Variants in LDB2 observed in about 807,000 individuals in gnomAD.
LDB2 encodes LIM domain binding 2, also known as LIM domain-binding protein 2.
LDB2 carries 12 observed loss-of-function variants against 44.3 expected under a neutral mutation model. That is an observed-to-expected ratio of 0.27 (90% CI 0.17 to 0.44). LDB2 has a LOEUF of 0.44. Ranked by LOEUF, LDB2 falls within the 20% of genes least tolerant of loss-of-function variation. LDB2 has a pLI of 1.00. For synonymous variants in LDB2, 164 were observed against 174.8 expected (o/e 0.94, Z 0.49); for missense variants, 344 against 473.5 (o/e 0.73, Z 2.54).
chr4:16,662,872 G>A (rs1265012799), intron 2 of LDB2, among the ~76,000 whole-genome samples: 1 of 151,874 alleles, frequency 6.6e-6, no homozygotes, highest in East Asian at 1.9e-4. Context: ...CTTCTTCATT[G>A]TAATATGAAA....
At chr4:16,678,926 A>G (rs1417019893) in intron 2 of LDB2, among the ~76,000 whole-genome samples, 1 of 152,210 alleles carries the variant, frequency 6.6e-6, no homozygotes, top group African/African-American at 2.4e-5. Context: ...ATCTTCAAAC[A>G]AATATAGGGA....
Position 16,501,935 on chromosome 4 carries a change from A to T in LDB2, c.*708T>A, listed in dbSNP as rs1241505662. 1.3e-5 allele frequency: 2 copies of T among 152,602 alleles called. No homozygotes were observed. 9.5% of individuals were successfully genotyped at this position (152,602 alleles called of 1,614,324 possible). On this transcript the variant is annotated 3_prime_UTR_variant, in exon 8 of 8. Transcript: ENST00000304523. ...AAATGCATAAATTCTTAAGGGTCCA[A>T]TTGTCTTTCTTTACTTAAAAATCTG...
intron 2 of LDB2, among the ~76,000 whole-genome samples, chr4:16,735,042 G>A (rs1456361564): frequency 6.6e-6 from 1 of 152,138 alleles, no homozygotes; most frequent in Non-Finnish European, 1.5e-5. Context: ...CTCGGGTTGT[G>A]AAATGCCATC....
At chr4:16,643,388 C>A (rs1028893811) in intron 2 of LDB2, among the ~76,000 whole-genome samples, 1 of 152,156 alleles carries the variant, frequency 6.6e-6, no homozygotes, top group Non-Finnish European at 1.5e-5. Flanking sequence ...GATAATAGTT[C>A]TTTTCTCACA....
intron 1 of LDB2, among the ~76,000 whole-genome samples, chr4:16,831,174 CTTTTTT>C (rs370309653): frequency 1.6e-5 from 2 of 126,750 alleles, no homozygotes; most frequent in African/African-American, 3.0e-5. Context: ...CCTCTCTGAG[CTTTTTT>C]TTTTTTTTTT....
chr4:16,722,921 T>A (rs1367182116), intron 2 of LDB2, among the ~76,000 whole-genome samples: 25 of 152,190 alleles, frequency 1.6e-4, no homozygotes, highest in Non-Finnish European at 2.6e-4. Context: ...GCAATACATA[T>A]TTAGCATGCT....
rs768991625 is a variant in LDB2, at chr4:16,582,009, GGAA to G, written c.615+3910_615+3912del. ...GAAGGAAGGGAAGGAAGGGAAGGAA[GGAA>G]GGAAGGAAGGAAGGAAGGAAGGAAG... On this transcript the variant is annotated intron_variant, in intron 5 of 7. Transcript: ENST00000304523. The surrounding 1 kb of genome is among the most constrained non-coding windows in gnomAD (Gnocchi z 4.8). Among the ~76,000 whole-genome samples, 5 of 80,538 alleles carry G rather than the reference GGAA, an allele frequency of 6.2e-5. No homozygotes were observed. Among genetic ancestry groups the G allele is most frequent in the African/African-American group, 2.3e-4 (5 of 21,912 alleles). 52.8% of individuals were successfully genotyped at this position (80,538 alleles called of 152,430 possible).
intron 5 of LDB2, among the ~76,000 whole-genome samples, chr4:16,535,893 C>T (rs925905800): frequency 1.3e-5 from 2 of 152,102 alleles, no homozygotes; most frequent in Non-Finnish European, 2.9e-5. Flanking sequence ...GGGAGTTGAA[C>T]TTGTGTAAAA....
At chr4:16,840,972 A>G (rs888870136) in intron 1 of LDB2, among the ~76,000 whole-genome samples, 6 of 152,278 alleles carry the variant, frequency 3.9e-5, no homozygotes, top group Admixed American at 3.9e-4. Flanking sequence ...TAGGAACATC[A>G]AAGAGGATTT....
At chr4:16,861,222 AG>A in intron 1 of LDB2, among the ~76,000 whole-genome samples, 1 of 152,276 alleles carries the variant, frequency 6.6e-6, no homozygotes, top group African/African-American at 2.4e-5. Context: ...GAGATGAAAA[AG>A]AATGTGATTT....
At chr4:16,874,169 A>G (rs895104589) in intron 1 of LDB2, among the ~76,000 whole-genome samples, 1 of 152,218 alleles carries the variant, frequency 6.6e-6, no homozygotes, top group African/African-American at 2.4e-5. Flanking sequence ...GAAAACATTT[A>G]TAACAAAATT....
intron 1 of LDB2, among the ~76,000 whole-genome samples, chr4:16,835,169 C>T (rs1784696750): frequency 6.6e-6 from 1 of 152,174 alleles, no homozygotes; most frequent in African/African-American, 2.4e-5. Flanking sequence ...GCATAAAATG[C>T]ATAAATCTCA....
rs140998150 is a variant in LDB2, at chr4:16,698,303, A to G, written c.235+60855T>C. Reference sequence around the variant, plus strand: ...ATATTCATGGGGGTAGAATTATTGTATCAAAAGAATATCAGCAATTATTGT... The same window carrying G: ...ATATTCATGGGGGTAGAATTATTGTGTCAAAAGAATATCAGCAATTATTGT... On this transcript the variant is annotated intron_variant, in intron 2 of 7. Transcript: ENST00000304523. 2.0e-5 allele frequency among the ~76,000 whole-genome samples: 3 copies of G among 152,346 alleles called. 1 individual carries two copies. Among genetic ancestry groups the G allele is most frequent in the African/African-American group, 7.2e-5 (3 of 41,582 alleles).
intron 2 of LDB2, among the ~76,000 whole-genome samples, chr4:16,703,181 A>C (rs2658506): frequency 0.39 from 59,847 of 151,960 alleles, 11,984 homozygotes; most frequent in East Asian, 0.66. Flanking sequence ...GCCATAATAG[A>C]TGAAACAGGA....
chr4:16,737,655 G>C (rs557480686), intron 2 of LDB2, among the ~76,000 whole-genome samples: 2 of 152,152 alleles, frequency 1.3e-5, no homozygotes, highest in Non-Finnish European at 2.9e-5. Context: ...AAAGGTGGTT[G>C]TTATATATTG....
intron 2 of LDB2, among the ~76,000 whole-genome samples, chr4:16,672,877 C>T (rs1312724253): frequency 6.8e-6 from 1 of 147,800 alleles, no homozygotes; most frequent in Non-Finnish European, 1.5e-5. Flanking sequence ...CTCTTTCTTC[C>T]TTCCTTCCTT....
At chr4:16,657,192 C>T (rs77248251) in intron 2 of LDB2, among the ~76,000 whole-genome samples, 2,756 of 152,244 alleles carry the variant, frequency 0.018, 89 homozygotes, top group African/African-American at 0.064. Context: ...CACAAAAAGG[C>T]TGTTACTGGG....
chr4:16,595,816 C>T lies in LDB2; in HGVS notation c.295G>A (p.Asp99Asn). ...FSTVFEGGVTDLYYILKHSKE... is the reference protein window; with the variant it reads ...FSTVFEGGVTNLYYILKHSKE... ...GAGTGTTTGAGAATGTAATACAGGT[C>T]GGTCACCCCTCCTTCAAACACAGTG... The change falls in exon 3 of 8, where the codon GAC (aspartate) becomes AAC (asparagine). Residue 99 changes from aspartate to asparagine, a missense_variant. Physicochemically the swap from Asp to Asn is conservative, Grantham distance 23 (BLOSUM62 1). This residue lies in a region of LDB2 where 226 missense variants were observed against 270.1 expected (regional missense o/e 0.84). Transcript: ENST00000304523. The T allele has an allele frequency of 1.2e-6, 2 of 1,613,550 alleles. No homozygotes were observed. Among genetic ancestry groups the T allele is most frequent in the Non-Finnish European group, 1.7e-6 (2 of 1,179,754 alleles).
At chr4:16,596,393 AG>A (rs1560583965) in intron 2 of LDB2, among the ~76,000 whole-genome samples, 38 of 152,280 alleles carry the variant, frequency 2.5e-4, no homozygotes, top group African/African-American at 7.7e-4. Context: ...CAATCCCAAG[AG>A]AGTGCAGGAC....
Sources: gnomAD v4.1 joint callset for allele counts (sites outside exome capture counted in the v4.1 genomes callset) on GRCh38, gnomAD v4.1.1 for gene constraint, gnomAD v4.1.1 regional missense constraint, Gnocchi (gnomAD v3.1) non-coding constraint, MANE v1.5 for transcripts, NCBI Gene and HGNC (gene_info 2026-07-23, HGNC 2026-07-21) for gene names.